Variants in CREM observed in about 807,000 individuals in gnomAD.
The protein encoded by CREM is cAMP responsive element modulator.
CREM carries 13 observed loss-of-function variants against 37.3 expected under a neutral mutation model. That is an observed-to-expected ratio of 0.35 (90% confidence interval 0.23 to 0.55). The LOEUF is 0.55. Ranked by LOEUF, CREM falls within the 20% of genes least tolerant of loss-of-function variation. CREM has a pLI of 0.88. For synonymous variants in CREM, 124 were observed against 120.2 expected (o/e 1.03, Z -0.21); for missense variants, 296 against 362.3 (o/e 0.82, Z 1.49).
intron 3 of CREM, among the ~76,000 whole-genome samples, chr10:35,174,377 A>G (rs1564877975): frequency 6.6e-6 from 1 of 152,264 alleles, no homozygotes; most frequent in Admixed American, 6.5e-5. Context: ...ATTTTCTAAT[A>G]GTGCACCTAG....
At chr10:35,153,661 C>A (rs1401762981) in intron 3 of CREM, among the ~76,000 whole-genome samples, 1 of 152,176 alleles carries the variant, frequency 6.6e-6, no homozygotes, top group Non-Finnish European at 1.5e-5. Flanking sequence ...TCCATAGCTG[C>A]TGCTGAAGCC....
chr10:35,135,182 C>T (rs1043597680), intron 1 of CREM, among the ~76,000 whole-genome samples: 1 of 152,086 alleles, frequency 6.6e-6, no homozygotes, highest in African/African-American at 2.4e-5. Context: ...TGTTAGATGG[C>T]CTTCAAAATA....
chr10:35,183,706 A>C (rs960277117), intron 5 of CREM, among the ~76,000 whole-genome samples: 46 of 152,220 alleles, frequency 3.0e-4, no homozygotes, highest in Non-Finnish European at 4.6e-4. Context: ...ATTTGGAACA[A>C]GAGTGGTTTT....
chr10:35,156,644 G>C (rs2092935003), intron 3 of CREM, among the ~76,000 whole-genome samples: 1 of 152,174 alleles, frequency 6.6e-6, no homozygotes, highest in African/African-American at 2.4e-5. Flanking sequence ...CAGAGGCTTT[G>C]GGAAATTTCT....
At chr10:35,142,171 G>A (rs550795656) in intron 2 of CREM, among the ~76,000 whole-genome samples, 2 of 152,268 alleles carry the variant, frequency 1.3e-5, no homozygotes, top group Admixed American at 6.5e-5. Flanking sequence ...CAAGGGAATA[G>A]CTCGAGAGAT....
chr10:35,168,775 C>G (rs147220331), intron 3 of CREM, among the ~76,000 whole-genome samples: 1 of 152,104 alleles, frequency 6.6e-6, no homozygotes, highest in South Asian at 2.1e-4. Flanking sequence ...AATTTTTGTA[C>G]AAGGTGTAAG....
chr10:35,199,073 T>G (rs1001781898), intron 6 of CREM, among the ~76,000 whole-genome samples: 7 of 152,286 alleles, frequency 4.6e-5, no homozygotes, highest in South Asian at 2.1e-4. Context: ...CACTTGAACC[T>G]GGGAGGTGGA....
intron 5 of CREM, among the ~76,000 whole-genome samples, chr10:35,185,356 G>A (rs561289159): frequency 1.3e-5 from 2 of 151,976 alleles, no homozygotes; most frequent in Non-Finnish European, 2.9e-5. Context: ...CACCAACCTC[G>A]GCCTCCCAAA....
chr10:35,196,415 T>G (rs770938357), intron 6 of CREM: 2 of 364,434 alleles, frequency 5.5e-6, no homozygotes, highest in Non-Finnish European at 5.0e-6. Context: ...TCAGTGGTCT[T>G]GTTTGTAATA....
At position 35,183,817 on chromosome 10, in the gene CREM, G is replaced by A. The variant is rs187571564; in HGVS notation, c.410-4383G>A. Among the ~76,000 whole-genome samples the A allele has an allele frequency of 2.8e-3, 427 of 152,364 alleles. 1 individual carries two copies. The highest frequency in any genetic ancestry group is 0.01 in the African/African-American group (416 of 41,586). Reference sequence around the variant, plus strand: ...GGGCCGGGCGTGATGGTTCACGCCTGTAATCCCAGCACTTTGGGAGGCTGA... The same window carrying A: ...GGGCCGGGCGTGATGGTTCACGCCTATAATCCCAGCACTTTGGGAGGCTGA... On this transcript the variant is annotated intron_variant, in intron 5 of 7. Transcript: ENST00000685392.
chr10:35,188,372 C>T lies in CREM; in HGVS notation c.582C>T (p.Ser194=). The T allele has an allele frequency of 6.2e-7, 1 of 1,610,928 alleles. No homozygotes were observed. Among genetic ancestry groups the T allele is most frequent in the South Asian group, 1.1e-5 (1 of 90,412 alleles). The change falls in exon 6 of 8, where the codon AGC becomes AGT. Residue 194 remains serine (S), a synonymous_variant. Transcript: ENST00000685392. ...DGTQQFFVPG[S]QVVVQAATGD... The stretch of plus-strand genomic sequence containing the variant: ...CACAGCAGTTCTTTGTCCCAGGCAG[C>T]CAGGTTGTTGTTCAAGGTATATTTT...
intron 5 of CREM, among the ~76,000 whole-genome samples, chr10:35,185,007 TATC>T (rs1182013250): frequency 1.3e-5 from 2 of 150,316 alleles, no homozygotes; most frequent in African/African-American, 4.9e-5. Flanking sequence ...TTTTTTATAA[TATC>T]ATCTGTCATG....
chr10:35,130,219 ATT>A (rs1217357370), intron 1 of CREM, among the ~76,000 whole-genome samples: 1 of 141,636 alleles, frequency 7.1e-6, no homozygotes, highest in African/African-American at 2.7e-5. Context: ...AAAAAAAAAA[ATT>A]TTTTTTGGAA....
intron 6 of CREM, among the ~76,000 whole-genome samples, chr10:35,195,539 A>G (rs1196856831): frequency 6.7e-6 from 1 of 149,866 alleles, no homozygotes; most frequent in African/African-American, 2.5e-5. Context: ...TTTCATATGC[A>G]TACCATTCTG....
At chr10:35,175,565 A>T in intron 3 of CREM, 1 of 1,033,510 alleles carries the variant, frequency 9.7e-7, no homozygotes, top group Non-Finnish European at 1.5e-6. Flanking sequence ...GTAGTGAGGT[A>T]GTTTAACTGC....
intron 6 of CREM, among the ~76,000 whole-genome samples, chr10:35,202,549 C>T (rs1383387456): frequency 6.6e-6 from 1 of 152,070 alleles, no homozygotes; most frequent in Non-Finnish European, 1.5e-5. Context: ...AGCCACTGTG[C>T]ACAGCTGTCT....
At position 35,170,209 on chromosome 10, in the gene CREM, C is replaced by T. The variant is rs140802627; in HGVS notation, c.169-8680C>T. On this transcript the variant is annotated intron_variant, in intron 3 of 7. Transcript: ENST00000685392. ...CTCTATCTCCTGAACTCGTGATCCG[C>T]CTGCCTCAGGCTCTGAAAGTGCTGG... Among the ~76,000 whole-genome samples, 602 of 152,258 alleles carry T rather than the reference C, an allele frequency of 4.0e-3. 2 individuals carry two copies. Among genetic ancestry groups the T allele is most frequent in the South Asian group, 0.017 (84 of 4,824 alleles).
At chr10:35,170,837 A>G (rs1376447772) in intron 3 of CREM, among the ~76,000 whole-genome samples, 1 of 152,142 alleles carries the variant, frequency 6.6e-6, no homozygotes, top group East Asian at 1.9e-4. Flanking sequence ...CAGTATAATT[A>G]TAAGGTTGAC....
Position 35,179,213 on chromosome 10 carries a change from C to G in CREM, c.346C>G (p.Pro116Ala). 6.2e-7 allele frequency: 1 copy of G among 1,614,106 alleles called. No homozygotes were observed. Among genetic ancestry groups the G allele is most frequent in the Non-Finnish European group, 8.5e-7 (1 of 1,179,960 alleles). The change falls in exon 5 of 8, where the codon CCA becomes GCA. Residue 116 changes from proline (P) to alanine (A), a missense_variant. By Grantham distance (27) the Pro-to-Ala change is conservative (BLOSUM62 -1). This residue lies in a region of CREM where 257 missense variants were observed against 280.2 expected (regional missense o/e 0.92). Transcript: ENST00000685392. Reference sequence around the variant, plus strand: ...AGAGAGATCAGAGGAAGAAGGAACACCACCTAGTATTGCTACCATGGCAGT... The same window carrying G: ...AGAGAGATCAGAGGAAGAAGGAACAGCACCTAGTATTGCTACCATGGCAGT... ...EEERSEEEGT[P>A]PSIATMAVPT...
Sources: allele counts gnomAD v4.1 joint callset (sites outside exome capture counted in the v4.1 genomes callset), GRCh38; gene constraint gnomAD v4.1.1; regional missense constraint gnomAD v4.1.1; transcripts MANE v1.5; gene names NCBI Gene and HGNC (gene_info 2026-07-23, HGNC 2026-07-21).